Variants in PTAR1 observed in about 807,000 individuals in gnomAD.
PTAR1 encodes protein prenyltransferase alpha subunit repeat containing 1, also known as protein prenyltransferase alpha subunit repeat-containing protein 1.
In PTAR1, 17 loss-of-function variants were observed where a neutral mutation model predicts 45.5. The observed-to-expected ratio is 0.37, with a 90% CI of 0.26 to 0.56. The LOEUF is 0.56. Among genes scored for constraint, PTAR1 ranks in the 20% least tolerant of loss-of-function variants. PTAR1 has a pLI of 0.77. For missense variants in PTAR1, 391 were observed against 476.3 expected (o/e 0.82, Z 1.67); for synonymous variants, 169 against 171.3 (o/e 0.99, Z 0.11).
rs531844784 is a variant in PTAR1 at position 69,756,007 on chromosome 9, CAA to C, written c.86+3844_86+3845del. Reference sequence around the variant, plus strand: ...GTCTACTCAGTTAATAAACGACAAGCAAAGACTCAAATCCAGTTTGACAGCTT... The same window carrying C: ...GTCTACTCAGTTAATAAACGACAAGCAGACTCAAATCCAGTTTGACAGCTT... On this transcript the variant is annotated intron_variant, in intron 1 of 7. Coordinates refer to ENST00000340434, the MANE Select transcript of PTAR1 (RefSeq NM_001099666.2). Among the ~76,000 whole-genome samples, 3 of 152,246 alleles carry C rather than the reference CAA, an allele frequency of 2.0e-5. No homozygotes were observed. The East Asian group carries it at 5.8e-4, about 29-fold the overall frequency.
At chr9:69,720,186 T>G (rs565318367) in intron 6 of PTAR1, among the ~76,000 whole-genome samples, 1 of 152,316 alleles carries the variant, frequency 6.6e-6, no homozygotes. Context: ...TTGTGCCAGT[T>G]AGCCAAGTTG....
At chr9:69,752,583 C>A (rs10735563) in intron 1 of PTAR1, among the ~76,000 whole-genome samples, 62,058 of 151,724 alleles carry the variant, frequency 0.41, 13,017 homozygotes, top group East Asian at 0.51. Flanking sequence ...CATAAGTTTT[C>A]TGATTAACTA....
chr9:69,747,185 C>CA lies in PTAR1; in HGVS notation c.256+3595dup, dbSNP rs557632227. On this transcript the variant is annotated intron_variant, in intron 2 of 7. Coordinates refer to ENST00000340434, the MANE Select transcript of PTAR1 (RefSeq NM_001099666.2). ...ACAATCCCTTTTCCTAATAAACTCA[C>CA]ATTCCAGCCAGGAAAAAGGTTGTTT... 3.9e-4 allele frequency among the ~76,000 whole-genome samples: 60 copies of CA among 152,362 alleles called. No individual in the cohort carries two copies. The South Asian group carries it at 0.012, about 31-fold the overall frequency.
At chr9:69,737,804 TACTC>T (rs901113454) in intron 3 of PTAR1, among the ~76,000 whole-genome samples, 3 of 152,228 alleles carry the variant, frequency 2.0e-5, no homozygotes, top group Admixed American at 6.5e-5. Context: ...AAATTGCTGA[TACTC>T]AATCTTTTTT....
intron 2 of PTAR1, among the ~76,000 whole-genome samples, chr9:69,748,964 A>T (rs550490602): frequency 3.3e-5 from 5 of 152,240 alleles, no homozygotes; most frequent in African/African-American, 1.2e-4. Flanking sequence ...TTCCATGGGG[A>T]TGTAGGTTAG....
intron 5 of PTAR1, among the ~76,000 whole-genome samples, chr9:69,727,883 T>C (rs1288921059): frequency 6.6e-6 from 1 of 152,178 alleles, no homozygotes; most frequent in East Asian, 1.9e-4. Flanking sequence ...TTTAATATAT[T>C]CACAGAATTG....
At chr9:69,736,365 T>C (rs1230047008) in intron 3 of PTAR1, among the ~76,000 whole-genome samples, 3 of 152,196 alleles carry the variant, frequency 2.0e-5, no homozygotes, top group Non-Finnish European at 4.4e-5. Context: ...GAGACCATCC[T>C]GGCCAACATG....
At chr9:69,741,520 A>AT in intron 3 of PTAR1, 3 of 348,070 alleles carry the variant, frequency 8.6e-6, no homozygotes, top group Non-Finnish European at 1.6e-5. Context: ...TTAGTCTCCC[A>AT]CCCCAAAAAA....
At chr9:69,747,338 G>GTGTGTA (rs1456913121) in intron 2 of PTAR1, among the ~76,000 whole-genome samples, 1 of 152,204 alleles carries the variant, frequency 6.6e-6, no homozygotes, top group Admixed American at 6.5e-5. Context: ...AGTGTTAAGT[G>GTGTGTA]TGTGTATGTG....
At chr9:69,722,838 C>G (rs1335613312) in intron 6 of PTAR1, among the ~76,000 whole-genome samples, 1 of 150,340 alleles carries the variant, frequency 6.7e-6, no homozygotes, top group Non-Finnish European at 1.5e-5. Flanking sequence ...ACTTGGAAGG[C>G]TGAGGCAGGA....
chr9:69,728,750 T>A (rs1367117361), intron 5 of PTAR1, among the ~76,000 whole-genome samples: 2 of 152,198 alleles, frequency 1.3e-5, no homozygotes, highest in African/African-American at 4.8e-5. Context: ...AAAATTTACT[T>A]AAATGTTTAT....
intron 5 of PTAR1, among the ~76,000 whole-genome samples, chr9:69,731,662 G>A (rs1825543023): frequency 6.6e-6 from 1 of 152,100 alleles, no homozygotes. Flanking sequence ...TGGAACTTAG[G>A]AATCCCCAGG....
rs1824677405 is a variant in PTAR1, at chr9:69,715,114, T to A, written c.*3228A>T. On this transcript the variant is annotated 3_prime_UTR_variant, in exon 8 of 8. Coordinates refer to ENST00000340434, the MANE Select transcript of PTAR1 (RefSeq NM_001099666.2). ...TGGGTTCTTTAGCTCTACAAATTTT[T>A]AATATATATTATAATACAGTTAATT... is the stretch of plus-strand genomic sequence containing the variant. 6.6e-6 allele frequency: 1 copy of A among 152,086 alleles called. No homozygotes were observed. Among genetic ancestry groups the A allele is most frequent in the Admixed American group, 6.6e-5 (1 of 15,240 alleles). The allele number at this position is 152,086 out of a possible 1,614,324, so 9.4% of individuals were successfully genotyped here.
Position 69,711,974 on chromosome 9 carries a change from C to T in PTAR1, c.*6368G>A, listed in dbSNP as rs1304989482. 6.6e-6 allele frequency: 1 copy of T among 152,046 alleles called. No individual in the cohort carries two copies. The highest frequency in any genetic ancestry group is 1.9e-4 in the East Asian group (1 of 5,188). 9.4% of individuals were successfully genotyped at this position (152,046 alleles called of 1,614,324 possible). On this transcript the variant is annotated 3_prime_UTR_variant, in exon 8 of 8. Transcript: ENST00000340434. ...TTATTGAGCATCTACTATAACTGTA[C>T]CCAGTCTTTAACTAATAAGAAAAAA...
intron 1 of PTAR1, among the ~76,000 whole-genome samples, chr9:69,758,938 T>C (rs962454473): frequency 6.6e-6 from 1 of 152,022 alleles, no homozygotes; most frequent in Non-Finnish European, 1.5e-5. Flanking sequence ...TTTCTTTTCT[T>C]TGAGGAGGAA....
At chr9:69,724,162 A>G (rs1434570048) in intron 5 of PTAR1, among the ~76,000 whole-genome samples, 1 of 152,174 alleles carries the variant, frequency 6.6e-6, no homozygotes, top group African/African-American at 2.4e-5. Flanking sequence ...CTACTTAATT[A>G]TAAGGGATTA....
rs560056198 is a variant in PTAR1 at position 69,736,296 on chromosome 9, C to CGCCTGTA, written c.324-2049_324-2043dup. ...CCCATTGGCTGGGCACGGTAGCTCA[C>CGCCTGTA]GCCTGTAATCCCAGCACTTTGGGAG... On this transcript the variant is annotated intron_variant, in intron 3 of 7. Coordinates refer to ENST00000340434, the MANE Select transcript of PTAR1 (RefSeq NM_001099666.2). Among the ~76,000 whole-genome samples the CGCCTGTA allele has an allele frequency of 5.1e-3, 776 of 152,264 alleles. 8 individuals carry two copies. The highest frequency in any genetic ancestry group is 0.018 in the African/African-American group (739 of 41,564).
chr9:69,755,649 C>CG (rs1286239321), intron 1 of PTAR1, among the ~76,000 whole-genome samples: 1 of 152,004 alleles, frequency 6.6e-6, no homozygotes, highest in Non-Finnish European at 1.5e-5. Flanking sequence ...CTCCCACCCC[C>CG]CAAAAGAACT....
rs1340760418 is a variant in PTAR1 at position 69,717,209 on chromosome 9, T to C, written c.*1133A>G. On this transcript the variant is annotated 3_prime_UTR_variant, in exon 8 of 8. Transcript: ENST00000340434. Reference sequence around the variant, plus strand: ...TAACAGTCACTTCATGATAATTTTATAGTTTCCATAGTGTATCCTCAATAA... The same window carrying C: ...TAACAGTCACTTCATGATAATTTTACAGTTTCCATAGTGTATCCTCAATAA... The C allele has an allele frequency of 6.6e-6, 1 of 152,230 alleles. No individual in the cohort carries two copies. Among genetic ancestry groups the C allele is most frequent in the East Asian group, 1.9e-4 (1 of 5,202 alleles). The allele number at this position is 152,230 out of a possible 1,614,324, so 9.4% of individuals were successfully genotyped here. A position where few individuals can be genotyped will look rare whatever the true frequency, so the allele number is the denominator to read the frequency against.
Sources: allele counts gnomAD v4.1 joint callset (sites outside exome capture counted in the v4.1 genomes callset), GRCh38; gene constraint gnomAD v4.1.1; transcripts MANE v1.5; gene names NCBI Gene and HGNC (gene_info 2026-07-23, HGNC 2026-07-21).